MKLN1: variants seen among roughly 807,000 people sequenced by gnomAD.
MKLN1 encodes muskelin.
In MKLN1, 18 loss-of-function variants were observed where a neutral mutation model predicts 99.0. The ratio of observed to expected loss-of-function variants is 0.18; its 90% CI spans 0.13 to 0.27. The LOEUF (loss-of-function observed/expected upper bound fraction) is 0.27, where lower values mean the gene tolerates loss of function less well. Among genes scored for constraint, MKLN1 ranks in the 10% least tolerant of loss-of-function variants. The pLI, the probability that MKLN1 is intolerant of heterozygous loss-of-function variation, is 1.00. For synonymous variants in MKLN1, 288 were observed against 293.2 expected (o/e 0.98, Z 0.18); for missense variants, 621 against 875.9 (o/e 0.71, Z 3.67).
At chr7:131,412,341 T>C (rs1048372978) in intron 7 of MKLN1, among the ~76,000 whole-genome samples, 3 of 152,156 alleles carry the variant, frequency 2.0e-5, no homozygotes, top group African/African-American at 4.8e-5. Flanking sequence ...AACCTTAAGT[T>C]ATGCAAAATT....
chr7:131,450,220 A>G (rs1796140236), intron 12 of MKLN1, among the ~76,000 whole-genome samples: 1 of 152,160 alleles, frequency 6.6e-6, no homozygotes. Flanking sequence ...ATTCTGTGTT[A>G]CCAGTAAAGA....
At chr7:131,393,221 G>A (rs1476471161) in intron 4 of MKLN1, among the ~76,000 whole-genome samples, 1 of 152,182 alleles carries the variant, frequency 6.6e-6, no homozygotes, top group East Asian at 1.9e-4. Context: ...ATATGTATTA[G>A]GAGTTTCTAA....
intron 1 of MKLN1, among the ~76,000 whole-genome samples, chr7:131,120,613 C>G (rs1206342891): frequency 2.6e-5 from 4 of 151,576 alleles, no homozygotes; most frequent in Non-Finnish European, 5.9e-5. Flanking sequence ...CATCATGTCT[C>G]TGAAGTTCAA....
intron 3 of MKLN1, among the ~76,000 whole-genome samples, chr7:131,204,882 C>T (rs964794009): frequency 3.3e-5 from 5 of 149,980 alleles, no homozygotes; most frequent in Non-Finnish European, 5.9e-5. Context: ...GGCAGTGAGC[C>T]GAGATCACGC....
chr7:131,260,545 C>T (rs1797717050), intron 3 of MKLN1, among the ~76,000 whole-genome samples: 1 of 152,144 alleles, frequency 6.6e-6, no homozygotes, highest in African/African-American at 2.4e-5. Context: ...CCACACTGCC[C>T]AGAGCAATTT....
intron 3 of MKLN1, among the ~76,000 whole-genome samples, chr7:131,277,052 T>C (rs1374861568): frequency 6.6e-6 from 1 of 152,186 alleles, no homozygotes; most frequent in Non-Finnish European, 1.5e-5. Context: ...TTGATATATT[T>C]GTACTCAATG....
chr7:131,157,000 CTGTCAT>C (rs1378160252), intron 2 of MKLN1, among the ~76,000 whole-genome samples: 1 of 152,158 alleles, frequency 6.6e-6, no homozygotes, highest in Non-Finnish European at 1.5e-5. Flanking sequence ...CAAGCCTCAA[CTGTCAT>C]TGTCGCCGCT....
chr7:131,235,862 G>A (rs1002287536), intron 3 of MKLN1, among the ~76,000 whole-genome samples: 10 of 152,166 alleles, frequency 6.6e-5, no homozygotes, highest in South Asian at 2.1e-4. Flanking sequence ...CCATTGCAGT[G>A]AGTGAGTCAG....
intron 3 of MKLN1, among the ~76,000 whole-genome samples, chr7:131,299,914 G>T (rs1013930223): frequency 6.6e-6 from 1 of 152,096 alleles, no homozygotes; most frequent in Non-Finnish European, 1.5e-5. Flanking sequence ...TGTTTCCAAA[G>T]TCAATATACT....
chr7:131,438,266 AAC>A (rs1382984276), intron 10 of MKLN1, among the ~76,000 whole-genome samples: 1 of 151,970 alleles, frequency 6.6e-6, no homozygotes, highest in Non-Finnish European at 1.5e-5. Flanking sequence ...TATTAGGAAA[AAC>A]AAATTTAGTT....
At chr7:131,193,507 CA>C (rs1796597188) in intron 2 of MKLN1, among the ~76,000 whole-genome samples, 1 of 152,096 alleles carries the variant, frequency 6.6e-6, no homozygotes, top group South Asian at 2.1e-4. Context: ...GCTGGGACTA[CA>C]GGTGCGCACC....
chr7:131,464,613 G>A (rs568248179), intron 14 of MKLN1, among the ~76,000 whole-genome samples: 58 of 152,186 alleles, frequency 3.8e-4, no homozygotes, highest in African/African-American at 1.4e-3. Flanking sequence ...GTAATTCTTG[G>A]TACTTTTCCT....
Position 131,197,532 on chromosome 7 carries a change from A to G in MKLN1, c.-296-5325A>G, listed in dbSNP as rs148832195. On this transcript the variant is annotated intron_variant, in intron 2 of 7. Transcript: ENST00000416992. Reference sequence around the variant, plus strand: ...CAAAGTGCTGGGGTTACAGGCATGAACCACTGCACCTGGCCAAGAACACAG... The same window carrying G: ...CAAAGTGCTGGGGTTACAGGCATGAGCCACTGCACCTGGCCAAGAACACAG... 9.4e-3 allele frequency among the ~76,000 whole-genome samples: 1,423 copies of G among 151,574 alleles called. 34 individuals are homozygous for G. Among genetic ancestry groups the G allele is most frequent in the African/African-American group, 0.032 (1,327 of 41,312 alleles).
At chr7:131,423,265 C>G (rs992898811) in intron 8 of MKLN1, among the ~76,000 whole-genome samples, 1 of 152,170 alleles carries the variant, frequency 6.6e-6, no homozygotes, top group Non-Finnish European at 1.5e-5. Flanking sequence ...AAGAGCCTTT[C>G]TGTAGAAATT....
At chr7:131,120,913 T>C (rs1345751826) in intron 1 of MKLN1, among the ~76,000 whole-genome samples, 1 of 152,248 alleles carries the variant, frequency 6.6e-6, no homozygotes, top group African/African-American at 2.4e-5. Context: ...TTTTTGTATA[T>C]CTTTATAGCA....
chr7:131,260,658 C>T (rs1353866942), intron 3 of MKLN1, among the ~76,000 whole-genome samples: 1 of 152,040 alleles, frequency 6.6e-6, no homozygotes, highest in African/African-American at 2.4e-5. Context: ...CAATCCTATG[C>T]AAAAAGAACA....
intron 2 of MKLN1, among the ~76,000 whole-genome samples, chr7:131,164,757 C>G (rs1315115007): frequency 6.6e-6 from 1 of 152,096 alleles, no homozygotes; most frequent in Non-Finnish European, 1.5e-5. Context: ...AGAAGGAAGA[C>G]AGAGAGAGAA....
intron 3 of MKLN1, among the ~76,000 whole-genome samples, chr7:131,238,154 A>G (rs1041026952): frequency 7.9e-5 from 12 of 152,154 alleles, no homozygotes; most frequent in African/African-American, 2.7e-4. Context: ...CTCAAAAAAA[A>G]CAAGCAAAAA....
intron 11 of MKLN1, 129 bp from the exon 12 acceptor site, chr7:131,445,645 C>T: frequency 3.1e-6 from 2 of 640,788 alleles, no homozygotes; most frequent in East Asian, 2.8e-5. Flanking sequence ...CCTTTTATTC[C>T]AGCATAGTAC....
Sources: gnomAD v4.1 joint callset for allele counts (sites outside exome capture counted in the v4.1 genomes callset) on GRCh38, gnomAD v4.1.1 for gene constraint, MANE v1.5 for transcripts, NCBI Gene and HGNC (gene_info 2026-07-23, HGNC 2026-07-21) for gene names.